The following MIA2 variants were observed in gnomAD, a reference collection of about 807,000 sequenced individuals.
MIA2 encodes the protein melanoma inhibitory activity protein 2.
Under a neutral mutation model 167.8 loss-of-function variants are expected in MIA2, and 127 were observed. The ratio of observed to expected loss-of-function variants is 0.76; its 90% CI spans 0.66 to 0.88. The LOEUF (loss-of-function observed/expected upper bound fraction) is 0.88, where lower values mean the gene tolerates loss of function less well. Among genes scored for constraint, MIA2 ranks in the 40% least tolerant of loss-of-function variants. The probability of loss-of-function intolerance (pLI) is 0.00; values close to 1 mark genes in which losing one functional copy is unlikely to be tolerated. For missense variants in MIA2, 1,690 were observed against 1,624.7 expected, an observed-to-expected ratio of 1.04 and a Z score of -0.69; for synonymous variants, 552 against 541.9, an observed-to-expected ratio of 1.02 and a Z score of -0.26.
intron 6 of MIA2, among the ~76,000 whole-genome samples, chr14:39,259,009 T>A (rs890124767): frequency 6.6e-6 from 1 of 152,206 alleles, no homozygotes; most frequent in African/African-American, 2.4e-5. Flanking sequence ...GTATGAGGTG[T>A]CTGTTGACCC....
In MIA2 at chr14:39,234,145, C is replaced by CT. The variant is rs1248613270; in HGVS notation, c.33dup (p.Leu12SerfsTer19). On this transcript the variant is annotated frameshift_variant, in exon 1 of 29. Transcript: ENST00000640607. LOFTEE classifies it high-confidence loss of function. ...AAAATTTGGCGTTCACAGAATCCTT[C>CT]TTCTGGCTATTTCTCTGACAAAGTG... 29 of 1,607,278 alleles carry CT rather than the reference C, an allele frequency of 1.8e-5. No individual in the cohort carries two copies. In the Admixed American group the frequency reaches 4.9e-4, roughly 27 times the overall value.
intron 23 of MIA2, among the ~76,000 whole-genome samples, chr14:39,379,528 GC>G (rs1693148232): frequency 6.6e-6 from 1 of 152,100 alleles, no homozygotes; most frequent in Admixed American, 6.6e-5. Flanking sequence ...CAGTGTGATT[GC>G]TTTTCAATAT....
Position 39,350,165 on chromosome 14 carries a change from A to AC in MIA2, c.4145dup (p.His1383ThrfsTer3). The AC allele has an allele frequency of 8.3e-7, 1 of 1,200,506 alleles. No individual in the cohort carries two copies. Among genetic ancestry groups the AC allele is most frequent in the Non-Finnish European group, 1.2e-6 (1 of 863,650 alleles). 74.4% of individuals were successfully genotyped at this position (1,200,506 alleles called of 1,614,324 possible). ...CCCCAAGACCTGGATTTTTCCCCCC[A>AC]CCCCCACATTCTGAAGGTAGAAGTG... On this transcript the variant is annotated frameshift_variant, in exon 29 of 29. Transcript: ENST00000640607. LOFTEE classifies it high-confidence loss of function.
At chr14:39,348,276 G>A (rs1020010986) in intron 27 of MIA2, among the ~76,000 whole-genome samples, 3 of 152,186 alleles carry the variant, frequency 2.0e-5, no homozygotes, top group East Asian at 1.9e-4. Context: ...AACCTATGGT[G>A]ATAAAATACA....
chr14:39,370,833 G>A (rs1595953869), intron 23 of MIA2: 1 of 152,998 alleles, frequency 6.5e-6, no homozygotes, highest in African/African-American at 2.4e-5. Flanking sequence ...CCGTTGCTTT[G>A]ATCTTACAGT....
In MIA2 at chr14:39,349,122, C is replaced by T. The variant is rs756051697; in HGVS notation, c.4072+145C>T. ...AATCTGAAAATTCTCATTACTTTTC[C>T]GAATTGGGAAGGCAGCCAGCCATAA... On this transcript the variant is annotated intron_variant, in intron 28 of 28. Transcript: ENST00000640607. The T allele has an allele frequency of 1.9e-3, 2,131 of 1,106,322 alleles. 9 individuals carry two copies. The highest frequency in any genetic ancestry group is 1.6e-3 in the Non-Finnish European group (1,244 of 785,820). 68.5% of individuals were successfully genotyped at this position (1,106,322 alleles called of 1,614,324 possible).
intron 23 of MIA2, among the ~76,000 whole-genome samples, chr14:39,383,163 CTTGT>C (rs927600375): frequency 2.2e-4 from 34 of 152,018 alleles, no homozygotes; most frequent in Admixed American, 1.4e-3. Flanking sequence ...ACTGTGGTTT[CTTGT>C]TTGTTTGTTT....
intron 23 of MIA2, among the ~76,000 whole-genome samples, chr14:39,380,645 A>AGGAGG (rs2075137516): frequency 6.8e-6 from 1 of 147,634 alleles, no homozygotes; most frequent in Non-Finnish European, 1.5e-5. Context: ...GTGAGCTGAG[A>AGGAGG]TCGCACCACT....
At position 39,261,350 on chromosome 14, in the gene MIA2, T is replaced by C. The variant is rs868282790; in HGVS notation, c.1887+8179T>C. ...TTTTTTATGGCTGCATAGTATTCCA[T>C]GGTGTATATGTGCCACATTTTCTTA... is the stretch of plus-strand genomic sequence containing the variant. On this transcript the variant is annotated intron_variant, in intron 6 of 28. Coordinates refer to ENST00000640607, the MANE Select transcript of MIA2 (RefSeq NM_001329214.4). Among the ~76,000 whole-genome samples, 8 of 152,322 alleles carry C rather than the reference T, an allele frequency of 5.3e-5. 1 individual carries two copies. Among genetic ancestry groups the C allele is most frequent in the Middle Eastern group, 3.4e-3 (1 of 294 alleles).
At chr14:39,266,634 C>A (rs764705179) in intron 6 of MIA2, 149 of 985,424 alleles carry the variant, frequency 1.5e-4, no homozygotes, top group Non-Finnish European at 1.7e-4. Flanking sequence ...AAAGTCCGGA[C>A]GTGGTTGGCA....
In MIA2 at chr14:39,247,544, G is replaced by C. The variant is rs770516575; in HGVS notation, c.970G>C (p.Asp324His). ...FTSYLGFGDE[D>H]TGLELIAEES... Reference sequence around the variant, plus strand: ...AAGTTATTTAGGTTTTGGAGATGAGGATACAGGGCTTGAATTAATAGCTGA... The same window carrying C: ...AAGTTATTTAGGTTTTGGAGATGAGCATACAGGGCTTGAATTAATAGCTGA... The change falls in exon 4 of 29, where the codon GAT (aspartate) becomes CAT (histidine). Residue 324 changes from aspartate (D) to histidine (H), a missense_variant. Physicochemically the swap from Asp to His is moderately conservative, Grantham distance 81 (BLOSUM62 -1). Transcript: ENST00000640607. The C allele has an allele frequency of 6.2e-7, 1 of 1,614,010 alleles. No homozygotes were observed. The highest frequency in any genetic ancestry group is 1.1e-5 in the South Asian group (1 of 91,064).
At position 39,247,579 on chromosome 14, in the gene MIA2, T is replaced by C; in HGVS notation, c.1005T>C (p.Asn335=). The C allele has an allele frequency of 6.2e-7, 1 of 1,613,992 alleles. No homozygotes were observed. Among genetic ancestry groups the C allele is most frequent in the Non-Finnish European group, 8.5e-7 (1 of 1,180,002 alleles). Residue 335 remains asparagine, a synonymous_variant, in exon 4 of 29, where the codon AAT becomes AAC. Coordinates refer to ENST00000640607, the MANE Select transcript of MIA2 (RefSeq NM_001329214.4). ...TTGAATTAATAGCTGAAGAAAGCAA[T>C]CCACCACTACAAGATTTTCCCAATT... ...TGLELIAEES[N]PPLQDFPNSI...
rs2055800947 is a variant in MIA2, at chr14:39,266,896, C to T, written c.1888-10038C>T. On this transcript the variant is annotated intron_variant, in intron 6 of 28. Coordinates refer to ENST00000640607, the MANE Select transcript of MIA2 (RefSeq NM_001329214.4). ...AGGAGAAGTCTCGCCGCCGCCGCCA[C>T]CGCGGCCGCCCGAGGCGGGTGCCCT... is the stretch of plus-strand genomic sequence containing the variant. 6 of 691,598 alleles carry T rather than the reference C, an allele frequency of 8.7e-6. No homozygotes were observed. The South Asian group carries it at 2.5e-4, about 29-fold the overall frequency. The allele number at this position is 691,598 out of a possible 1,614,324, so 42.8% of individuals were successfully genotyped here.
intron 18 of MIA2, among the ~76,000 whole-genome samples, chr14:39,309,014 G>T (rs548354016): frequency 1.2e-4 from 19 of 152,206 alleles, no homozygotes; most frequent in Middle Eastern, 3.4e-3. Flanking sequence ...TAGTTACTTA[G>T]GGTGGCACCT....
intron 6 of MIA2, chr14:39,265,215 G>C (rs2055407265): frequency 1.7e-6 from 1 of 584,174 alleles, no homozygotes; most frequent in African/African-American, 1.9e-5. Context: ...TGGGTTATGG[G>C]TTGGTAGTCA....
intron 4 of MIA2, among the ~76,000 whole-genome samples, chr14:39,250,111 T>C (rs186110593): frequency 1.8e-3 from 277 of 152,270 alleles, no homozygotes; most frequent in African/African-American, 6.1e-3. Flanking sequence ...GGAATATTTA[T>C]GAAAAGGCAG....
intron 10 of MIA2, chr14:39,292,698 A>G: frequency 3.1e-6 from 1 of 317,944 alleles, no homozygotes; most frequent in Non-Finnish European, 6.1e-6. Context: ...AGGATCACAA[A>G]TATCAGAGGT....
rs1354287489 is a variant in MIA2 at position 39,234,193 on chromosome 14, G to A, written c.79G>A (p.Ala27Thr). ...TKCLESTKLLADLKKCGDLEC... is the reference protein window; with the variant it reads ...TKCLESTKLLTDLKKCGDLEC... ...GTGTCTGGAGAGTACAAAACTGCTG[G>A]CAGACCTTAAAAAATGTGGTGACTT... The change falls in exon 1 of 29, where the codon GCA becomes ACA. Residue 27 changes from alanine to threonine, a missense_variant. Transcript: ENST00000640607. 6.8e-6 allele frequency: 11 copies of A among 1,609,086 alleles called. No homozygotes were observed. The highest frequency in any genetic ancestry group is 9.3e-6 in the Non-Finnish European group (11 of 1,178,100).
At chr14:39,304,994 G>A (rs1174964483) in intron 17 of MIA2, among the ~76,000 whole-genome samples, 1 of 152,050 alleles carries the variant, frequency 6.6e-6, no homozygotes. Flanking sequence ...TACCATATGC[G>A]TTTGCATCAG....
Sources: gnomAD v4.1 joint callset for allele counts (sites outside exome capture counted in the v4.1 genomes callset) on GRCh38, gnomAD v4.1.1 for gene constraint, MANE v1.5 for transcripts, NCBI Gene and HGNC (gene_info 2026-07-23, HGNC 2026-07-21) for gene names.